SCAMP2: variants seen among roughly 807,000 people sequenced by gnomAD.
SCAMP2 encodes secretory carrier-associated membrane protein 2.
Under a neutral mutation model 44.1 loss-of-function variants are expected in SCAMP2, and 25 were observed. That is an observed-to-expected ratio of 0.57 (90% CI 0.41 to 0.79). The LOEUF is 0.79. Ranked by LOEUF, SCAMP2 falls within the 30% of genes least tolerant of loss-of-function variation. SCAMP2 has a pLI of 0.00. For synonymous variants in SCAMP2, 156 were observed against 166.0 expected (o/e 0.94, Z 0.46); for missense variants, 355 against 411.0 (o/e 0.86, Z 1.18).
At chr15:74,868,597 G>A (rs2064557215) in intron 1 of SCAMP2, among the ~76,000 whole-genome samples, 1 of 152,132 alleles carries the variant, frequency 6.6e-6, no homozygotes, top group Non-Finnish European at 1.5e-5. Context: ...AGGCTGGAGT[G>A]CAAAGGCACT....
rs762218683 is a variant in SCAMP2 at position 74,854,036 on chromosome 15, G to T, written c.210C>A (p.Thr70=). 40 of 1,613,980 alleles carry T rather than the reference G, an allele frequency of 2.5e-5. No homozygotes were observed. The Admixed American group carries it at 6.5e-4, about 26-fold the overall frequency. Residue 70 remains threonine (T), a synonymous_variant, in exon 3 of 9, where the codon ACC becomes ACA. Coordinates refer to ENST00000268099, the MANE Select transcript of SCAMP2 (RefSeq NM_005697.5). ...TCAGCACTACCTGGGGGGTCGGCTG[G>T]GTTGGTTCCACTGATGGCTGGAGAA... is the stretch of plus-strand genomic sequence containing the variant. ...PAVLQPSVEP[T]QPTPQAVVSA... is the part of the protein sequence containing the mutation.
In SCAMP2 at chr15:74,854,022, T is replaced by C. The variant is rs745989053; in HGVS notation, c.224A>G (p.Gln75Arg). The change falls in exon 3 of 9, where the codon CAG becomes CGG. Residue 75 changes from glutamine (Q) to arginine (R), a missense_variant and splice_region_variant. Coordinates refer to ENST00000268099, the MANE Select transcript of SCAMP2 (RefSeq NM_005697.5). Reference protein sequence around the residue: ...PSVEPTQPTPQAVVSAAQAGL... With the variant: ...PSVEPTQPTPRAVVSAAQAGL... ...GCCAGAGTTCTTTGTCAGCACTACC[T>C]GGGGGGTCGGCTGGGTTGGTTCCAC... is the stretch of plus-strand genomic sequence containing the variant. 6 of 1,613,162 alleles carry C rather than the reference T, an allele frequency of 3.7e-6. No individual in the cohort carries two copies. The highest frequency in any genetic ancestry group is 5.1e-6 in the Non-Finnish European group (6 of 1,179,212).
rs1208554654 is a variant in SCAMP2 at position 74,851,461 on chromosome 15, G to A, written c.364C>T (p.Pro122Ser). The change falls in exon 5 of 9, where the codon CCT becomes TCT. Residue 122 changes from proline to serine, a missense_variant. Transcript: ENST00000268099. ...TTCACAGGGCACCACGAGGGCAGAG[G>A]GGGCCAGTTGTTCTGTCTCACTGGG... ...NLHVRQNNWP[P>S]LPSWCPVKPC... 2 of 1,613,956 alleles carry A rather than the reference G, an allele frequency of 1.2e-6. No homozygotes were observed. The highest frequency in any genetic ancestry group is 3.3e-5 in the Admixed American group (2 of 60,016).
At chr15:74,845,766 T>C (rs2064395291) in intron 7 of SCAMP2, among the ~76,000 whole-genome samples, 173 bp from the exon 8 acceptor site, 1 of 152,240 alleles carries the variant, frequency 6.6e-6, no homozygotes, top group Non-Finnish European at 1.5e-5. Flanking sequence ...CAGACCTCCG[T>C]GAAGGCTGAC....
chr15:74,852,044 C>T lies in SCAMP2; in HGVS notation c.343+25G>A, dbSNP rs200940706. 95 of 1,509,934 alleles carry T rather than the reference C, an allele frequency of 6.3e-5. No individual in the cohort carries two copies. In the East Asian group the frequency reaches 2.3e-3, roughly 37 times the overall value. The allele number at this position is 1,509,934 out of a possible 1,614,324, so 93.5% of individuals were successfully genotyped here. A position where few individuals can be genotyped will look rare whatever the true frequency, so the allele number is the denominator to read the frequency against. On this transcript the variant is annotated intron_variant, in intron 4 of 8. Coordinates refer to ENST00000268099, the MANE Select transcript of SCAMP2 (RefSeq NM_005697.5). ...ACTCTTCTATGCCAGGCAGGGCAGC[C>T]CCAGGCCCCAGCAGCCTCCCTTACC...
intron 1 of SCAMP2, among the ~76,000 whole-genome samples, chr15:74,856,630 G>A (rs954178382): frequency 6.8e-6 from 1 of 146,680 alleles, no homozygotes; most frequent in Non-Finnish European, 1.5e-5. Context: ...GTCTCACTCT[G>A]TTGCCCAGGC....
chr15:74,845,335 C>T (rs778777033), intron 8 of SCAMP2, 118 bp from the exon 9 acceptor site: 18 of 1,581,792 alleles, frequency 1.1e-5, no homozygotes, highest in Non-Finnish European at 1.5e-5. Flanking sequence ...ACCCCCCACC[C>T]AGATCCCTGG....
At chr15:74,851,975 G>A in intron 4 of SCAMP2, 94 bp downstream of exon 4, 1 of 785,468 alleles carries the variant, frequency 1.3e-6, no homozygotes, top group Admixed American at 2.8e-5. Flanking sequence ...CTCTAAGGCA[G>A]CTCAGGGTGA....
intron 7 of SCAMP2, among the ~76,000 whole-genome samples, chr15:74,846,231 G>A (rs1281407289): frequency 4.6e-5 from 7 of 151,676 alleles, no homozygotes; most frequent in African/African-American, 9.7e-5. Flanking sequence ...GCAGTGAGCC[G>A]AGATCATGCC....
In SCAMP2 at chr15:74,844,208, G is replaced by C. The variant is rs997708280; in HGVS notation, c.*875C>G. ...AGCCGTCCCTCGGTTCGGGGAGGGG[G>C]GGGGGTAGTCACAGCAAACAGGGCC... On this transcript the variant is annotated 3_prime_UTR_variant, in exon 9 of 9. Coordinates refer to ENST00000268099, the MANE Select transcript of SCAMP2 (RefSeq NM_005697.5). The C allele has an allele frequency of 1.3e-5, 2 of 150,592 alleles. No individual in the cohort carries two copies. The highest frequency in any genetic ancestry group is 1.5e-5 in the Non-Finnish European group (1 of 67,694). The allele number at this position is 150,592 out of a possible 1,614,324, so 9.3% of individuals were successfully genotyped here.
At chr15:74,870,702 A>G (rs1295172793) in intron 1 of SCAMP2, among the ~76,000 whole-genome samples, 1 of 152,240 alleles carries the variant, frequency 6.6e-6, no homozygotes, top group Non-Finnish European at 1.5e-5. Flanking sequence ...TCTAAGGAAC[A>G]AGCTATCAGA....
chr15:74,851,700 G>T (rs1340662208), intron 4 of SCAMP2, among the ~76,000 whole-genome samples: 1 of 152,150 alleles, frequency 6.6e-6, no homozygotes, highest in South Asian at 2.1e-4. Flanking sequence ...GACCCCAAAT[G>T]CACTGGGAAA....
rs890252909 is a variant in SCAMP2, at chr15:74,846,418, C to A, written c.735-825G>T. ...CTGTGATCACGCCACGGCACTCCAG[C>A]CTGAGCAACAGAGTGAGACCCTGTC... On this transcript the variant is annotated intron_variant, in intron 7 of 8. Transcript: ENST00000268099. 2.7e-5 allele frequency among the ~76,000 whole-genome samples: 4 copies of A among 148,894 alleles called. No individual in the cohort carries two copies. In the East Asian group the frequency reaches 7.9e-4, roughly 29 times the overall value.
intron 1 of SCAMP2, 59 bp from the exon 2 acceptor site, chr15:74,854,708 C>T: frequency 6.8e-7 from 1 of 1,477,032 alleles, no homozygotes; most frequent in South Asian, 1.2e-5. Flanking sequence ...CAGGGGCCGG[C>T]AGGCGAGCCG....
rs774424649 is a variant in SCAMP2, at chr15:74,845,494, G to C, written c.834C>G (p.Leu278=). 4 of 1,614,158 alleles carry C rather than the reference G, an allele frequency of 2.5e-6. No individual in the cohort carries two copies. Among genetic ancestry groups the C allele is most frequent in the Non-Finnish European group, 3.4e-6 (4 of 1,180,038 alleles). The change falls in exon 8 of 9, where the codon CTC becomes CTG. Residue 278 remains leucine, a synonymous_variant. Transcript: ENST00000268099. Reference sequence around the variant, plus strand: ...TCACCCGCTGCAGGAGGAAGACTGAGAGCACGGCACAGAGGGTGAAGAAGC... The same window carrying C: ...TCACCCGCTGCAGGAGGAAGACTGACAGCACGGCACAGAGGGTGAAGAAGC... ...VAGFFTLCAV[L]SVFLLQRVHS...
intron 8 of SCAMP2, 41 bp downstream of exon 8, chr15:74,845,432 G>A (rs758104845): frequency 6.2e-7 from 1 of 1,613,698 alleles, no homozygotes; most frequent in South Asian, 1.1e-5. Flanking sequence ...ACGGTTGCCT[G>A]CCTCCTCCCA....
In SCAMP2 at chr15:74,844,987, G is replaced by C; in HGVS notation, c.*96C>G. 7.0e-7 allele frequency: 1 copy of C among 1,432,530 alleles called. No individual in the cohort carries two copies. Among genetic ancestry groups the C allele is most frequent in the Non-Finnish European group, 9.6e-7 (1 of 1,043,692 alleles). The allele number at this position is 1,432,530 out of a possible 1,614,324, so 88.7% of individuals were successfully genotyped here. A position where few individuals can be genotyped will look rare whatever the true frequency, so the allele number is the denominator to read the frequency against. ...CCACGGCAAGAACCCTGCCAGGTCTGTGCTGGGCACAACCACCACCACATA... is the reference window on the plus strand; with the variant it reads ...CCACGGCAAGAACCCTGCCAGGTCTCTGCTGGGCACAACCACCACCACATA... On this transcript the variant is annotated 3_prime_UTR_variant, in exon 9 of 9. Coordinates refer to ENST00000268099, the MANE Select transcript of SCAMP2 (RefSeq NM_005697.5).
At chr15:74,850,064 T>A (rs1260506654) in intron 6 of SCAMP2, among the ~76,000 whole-genome samples, 24 of 152,190 alleles carry the variant, frequency 1.6e-4, no homozygotes, top group Admixed American at 1.6e-3. Context: ...TGTATCCAGC[T>A]ATGTTCCCAG....
chr15:74,866,066 A>G (rs1054279524), intron 1 of SCAMP2, among the ~76,000 whole-genome samples: 2 of 151,734 alleles, frequency 1.3e-5, no homozygotes, highest in South Asian at 2.1e-4. Context: ...GAAAAGAAAA[A>G]AAAGAAAGAC....
Sources: allele counts gnomAD v4.1 joint callset (sites outside exome capture counted in the v4.1 genomes callset), GRCh38; gene constraint gnomAD v4.1.1; transcripts MANE v1.5; gene names NCBI Gene and HGNC (gene_info 2026-07-23, HGNC 2026-07-21).